The following RPS6KC1 variants were observed in gnomAD, a reference collection of about 807,000 sequenced individuals.
RPS6KC1 encodes ribosomal protein S6 kinase C1.
Under a neutral mutation model 103.8 loss-of-function variants are expected in RPS6KC1, and 54 were observed. That is an observed-to-expected ratio of 0.52 (90% CI 0.42 to 0.65). The LOEUF (loss-of-function observed/expected upper bound fraction) is 0.65. Among genes scored for constraint, RPS6KC1 ranks in the 30% least tolerant of loss-of-function variants. The pLI, the probability that RPS6KC1 is intolerant of heterozygous loss-of-function variation, is 0.00. For synonymous variants in RPS6KC1, 439 were observed against 438.7 expected (o/e 1.00, Z -0.01); for missense variants, 1,151 against 1,253.8 (o/e 0.92, Z 1.24).
chr1:213,224,262 G>T (rs1475933298), intron 8 of RPS6KC1, among the ~76,000 whole-genome samples: 1 of 152,146 alleles, frequency 6.6e-6, no homozygotes, highest in Non-Finnish European at 1.5e-5. Context: ...CCTGTAATCA[G>T]TTGGAGCTTT....
chr1:213,362,597 G>A, the RPS6KC1 span, among the ~76,000 whole-genome samples: 64,656 of 152,024 alleles, frequency 0.43, 16,423 homozygotes, highest in African/African-American at 0.7. Flanking sequence ...GTCAGGAGAC[G>A]AGTAAGAAGA....
chr1:213,681,294 G>C, the RPS6KC1 span, among the ~76,000 whole-genome samples: 7 of 152,352 alleles, frequency 4.6e-5, no homozygotes, highest in East Asian at 1.2e-3. Flanking sequence ...GGGCTCAGTA[G>C]AGTCTGTCTC....
chr1:213,254,799 G>A (rs1223673889), intron 12 of RPS6KC1, among the ~76,000 whole-genome samples: 1 of 152,050 alleles, frequency 6.6e-6, no homozygotes, highest in Non-Finnish European at 1.5e-5. Flanking sequence ...GTAATAGTTT[G>A]TTTTTCTCTG....
chr1:213,219,517 C>G (rs1295191165), intron 8 of RPS6KC1, among the ~76,000 whole-genome samples: 2 of 152,088 alleles, frequency 1.3e-5, no homozygotes, highest in Admixed American at 6.6e-5. Flanking sequence ...GGGTATATAC[C>G]CAAAGGATTA....
the RPS6KC1 span, among the ~76,000 whole-genome samples, chr1:213,338,034 A>G: frequency 2.6e-5 from 4 of 152,168 alleles, no homozygotes; most frequent in African/African-American, 7.2e-5. Flanking sequence ...ATGTGGGACC[A>G]TTGGGAAGGT....
the RPS6KC1 span, among the ~76,000 whole-genome samples, chr1:213,674,175 C>T: frequency 1.1e-4 from 17 of 152,236 alleles, no homozygotes; most frequent in East Asian, 1.9e-3. Context: ...CATGCCACCA[C>T]GCCTGGCTAC....
At chr1:213,859,699 C>T in the RPS6KC1 span, among the ~76,000 whole-genome samples, 164 of 152,244 alleles carry the variant, frequency 1.1e-3, no homozygotes, top group African/African-American at 3.8e-3. Context: ...TCTGCTTGTC[C>T]AGAAAATACT....
chr1:213,401,545 A>G, the RPS6KC1 span, among the ~76,000 whole-genome samples: 1 of 152,142 alleles, frequency 6.6e-6, no homozygotes, highest in East Asian at 1.9e-4. Flanking sequence ...TGAAGATGGA[A>G]ATGTGGGAGG....
At chr1:213,723,049 AG>A in the RPS6KC1 span, among the ~76,000 whole-genome samples, 1 of 152,128 alleles carries the variant, frequency 6.6e-6, no homozygotes, top group African/African-American at 2.4e-5. Flanking sequence ...GCATGGTGGC[AG>A]GTGCCTGTAG....
intron 8 of RPS6KC1, chr1:213,205,292 A>G (rs531502979): frequency 3.0e-6 from 3 of 984,826 alleles, no homozygotes; most frequent in East Asian, 2.3e-4. Flanking sequence ...ATTGTTACAT[A>G]TTGGGATTCT....
chr1:213,592,137 T>C, the RPS6KC1 span, among the ~76,000 whole-genome samples: 1 of 152,120 alleles, frequency 6.6e-6, no homozygotes, highest in Non-Finnish European at 1.5e-5. Flanking sequence ...ACAATGAAGA[T>C]TGAAATAAGT....
chr1:213,333,498 G>A, the RPS6KC1 span, among the ~76,000 whole-genome samples: 1 of 152,176 alleles, frequency 6.6e-6, no homozygotes, highest in South Asian at 2.1e-4. Context: ...TTCTCCAGCT[G>A]TGTGGAATTG....
chr1:213,122,807 C>A (rs945662861), intron 5 of RPS6KC1, among the ~76,000 whole-genome samples: 3 of 151,976 alleles, frequency 2.0e-5, no homozygotes, highest in Admixed American at 1.3e-4. Context: ...TTATTCCCTG[C>A]CCCCAGTTGA....
At chr1:213,284,242 C>CA in the RPS6KC1 span, among the ~76,000 whole-genome samples, 1 of 152,168 alleles carries the variant, frequency 6.6e-6, no homozygotes, top group Admixed American at 6.5e-5. Context: ...ATAGGCTGGA[C>CA]ACACTGGCCC....
chr1:213,767,651 G>T, the RPS6KC1 span, among the ~76,000 whole-genome samples: 1 of 152,184 alleles, frequency 6.6e-6, no homozygotes, highest in Non-Finnish European at 1.5e-5. Context: ...CATTGGGAAG[G>T]AGAGAGAAGA....
intron 8 of RPS6KC1, among the ~76,000 whole-genome samples, chr1:213,204,425 C>T (rs1172214959): frequency 6.6e-6 from 1 of 151,854 alleles, no homozygotes; most frequent in Admixed American, 6.6e-5. Flanking sequence ...CTTTTTGTAT[C>T]CTTTATTTGT....
chr1:213,312,947 A>C, the RPS6KC1 span, among the ~76,000 whole-genome samples: 1 of 152,140 alleles, frequency 6.6e-6, no homozygotes, highest in Non-Finnish European at 1.5e-5. Flanking sequence ...GGTTCTCATG[A>C]TTCCTTTCCC....
downstream of RPS6KC1, among the ~76,000 whole-genome samples, chr1:213,275,836 A>G (rs1204721599): frequency 1.3e-5 from 2 of 152,194 alleles, no homozygotes; most frequent in Non-Finnish European, 2.9e-5. Context: ...TCTAACTGAA[A>G]CTTTTACCCT....
At chr1:213,719,903 A>G in the RPS6KC1 span, among the ~76,000 whole-genome samples, 45 of 152,052 alleles carry the variant, frequency 3.0e-4, no homozygotes, top group African/African-American at 6.8e-4. Context: ...TACGTGATAT[A>G]CTCTGATATT....
Sources: gnomAD v4.1 joint callset for allele counts (sites outside exome capture counted in the v4.1 genomes callset) on GRCh38, gnomAD v4.1.1 for gene constraint, MANE v1.5 for transcripts, NCBI Gene and HGNC (gene_info 2026-07-23, HGNC 2026-07-21) for gene names.